WSB2: variants seen among roughly 807,000 people sequenced by gnomAD.
The protein encoded by WSB2 is WD repeat and SOCS box containing 2.
A neutral mutation model predicts 48.8 loss-of-function variants in WSB2; 12 were observed. The ratio of observed to expected loss-of-function variants is 0.25; its 90% CI spans 0.16 to 0.40. The LOEUF (loss-of-function observed/expected upper bound fraction) is 0.40. Among genes scored for constraint, WSB2 ranks in the 10% least tolerant of loss-of-function variants. WSB2 has a pLI of 1.00. For missense variants in WSB2, 317 were observed against 506.2 expected (o/e 0.63, Z 3.59); for synonymous variants, 191 against 203.1 (o/e 0.94, Z 0.51).
At chr12:118,043,583 G>A (rs950696141) in intron 2 of WSB2, among the ~76,000 whole-genome samples, 7 of 152,118 alleles carry the variant, frequency 4.6e-5, no homozygotes, top group African/African-American at 1.4e-4. Flanking sequence ...TAGCTAGGAC[G>A]ACAGGCATGT....
chr12:118,043,703 TC>T (rs1345325617), intron 2 of WSB2, among the ~76,000 whole-genome samples: 1 of 152,122 alleles, frequency 6.6e-6, no homozygotes, highest in African/African-American at 2.4e-5. Context: ...CACCTTGCCC[TC>T]CCAAAGTGCT....
intron 6 of WSB2, 75 bp downstream of exon 6, chr12:118,036,261 AAG>A (rs1265168847): frequency 3.1e-5 from 47 of 1,493,308 alleles, no homozygotes; most frequent in Non-Finnish European, 3.7e-5. Context: ...CAGATTCTAA[AAG>A]AGACATGTCT....
chr12:118,038,464 G>A (rs2031561408), intron 4 of WSB2, 76 bp from the exon 5 acceptor site: 2 of 1,408,600 alleles, frequency 1.4e-6, no homozygotes, highest in African/African-American at 1.4e-5. Flanking sequence ...GAACTGGGGT[G>A]GTAACAGCCC....
At chr12:118,061,185 C>T, upstream of WSB2, 1 of 983,596 alleles carries the variant, frequency 1.0e-6, no homozygotes, top group Non-Finnish European at 1.2e-6. Context: ...TGCTTCCCGT[C>T]ACATGGCGGT....
At chr12:118,058,704 T>C (rs1017708047) in intron 1 of WSB2, among the ~76,000 whole-genome samples, 5 of 151,534 alleles carry the variant, frequency 3.3e-5, no homozygotes, top group Non-Finnish European at 7.4e-5. Flanking sequence ...CTTCTTCTTT[T>C]TTTTTTTTTG....
chr12:118,034,346 G>C lies in WSB2; in HGVS notation c.1065C>G (p.Gly355=). The C allele has an allele frequency of 6.2e-7, 1 of 1,613,928 alleles. No individual in the cohort carries two copies. Among genetic ancestry groups the C allele is most frequent in the Non-Finnish European group, 8.5e-7 (1 of 1,179,870 alleles). Residue 355 remains glycine (G), a synonymous_variant, in exon 9 of 9, where the codon GGC becomes GGG. Coordinates refer to ENST00000315436, the MANE Select transcript of WSB2 (RefSeq NM_018639.5). ...GGVIATGTRD[G]HVQFWTAPRV... is the part of the protein sequence containing the mutation. ...TAGGAGCTGTCCAGAACTGGACGTG[G>C]CCATCTCTTGTCCTAAAATGAAACA...
upstream of WSB2, among the ~76,000 whole-genome samples, chr12:118,061,494 AAGGG>A (rs2137807220): frequency 6.7e-6 from 1 of 150,328 alleles, no homozygotes; most frequent in Non-Finnish European, 1.5e-5. Flanking sequence ...AAAAACGGGG[AAGGG>A]AGGGAGGTGA....
Position 118,042,951 on chromosome 12 carries a change from G to C in WSB2, c.449C>G (p.Ser150Cys), listed in dbSNP as rs751905316. The C allele has an allele frequency of 6.2e-7, 1 of 1,614,192 alleles. No individual in the cohort carries two copies. Among genetic ancestry groups the C allele is most frequent in the East Asian group, 2.2e-5 (1 of 44,882 alleles). The change falls in exon 4 of 9, where the codon TCC (serine) becomes TGC (cysteine). Residue 150 changes from serine to cysteine, a missense_variant. Physicochemically the swap from Ser to Cys is moderately radical, Grantham distance 112. This residue lies in a region of WSB2 where 189 missense variants were observed against 349.6 expected (regional missense o/e 0.54). Coordinates refer to ENST00000315436, the MANE Select transcript of WSB2 (RefSeq NM_018639.5). The stretch of plus-strand genomic sequence containing the variant: ...ATCTCTCACGACATCTTGGTGGCCG[G>C]AAAGATTCAAAAGCAGGAGCCCTGG... ...VQTGLLLLNL[S>C]GHQDVVRDLS... is the part of the protein sequence containing the mutation.
chr12:118,042,698 A>C (rs2031661972), intron 4 of WSB2, 143 bp downstream of exon 4: 2 of 1,388,114 alleles, frequency 1.4e-6, no homozygotes, highest in South Asian at 2.8e-5. Flanking sequence ...GATTAGGAAA[A>C]AACTGTCTAA....
At chr12:118,044,310 A>C (rs867863881) in intron 2 of WSB2, among the ~76,000 whole-genome samples, 30 of 152,288 alleles carry the variant, frequency 2.0e-4, no homozygotes, top group African/African-American at 7.2e-4. Flanking sequence ...AGTTTTTCCC[A>C]TGAGTAAGAA....
In WSB2 at chr12:118,052,435, G is replaced by A; in HGVS notation, c.57C>T (p.His19=). 2 of 1,614,168 alleles carry A rather than the reference G, an allele frequency of 1.2e-6. No individual in the cohort carries two copies. The highest frequency in any genetic ancestry group is 1.7e-6 in the Non-Finnish European group (2 of 1,180,048). The change falls in exon 2 of 9, where the codon CAC becomes CAT. Residue 19 remains histidine (H), a synonymous_variant. Transcript: ENST00000315436. ...LLAELKPGRP[H]QFDWKSSCET... ...CACAGCTGGACTTCCAATCAAACTG[G>A]TGGGGGCGCCCGGGCTTGAGTTCGG...
At chr12:118,042,494 A>G (rs148390736) in intron 4 of WSB2, 185 of 228,612 alleles carry the variant, frequency 8.1e-4, no homozygotes, top group African/African-American at 3.6e-3. Flanking sequence ...AATTCACCCC[A>G]AGAGGGTACA....
At chr12:118,047,803 G>T (rs759055348) in intron 2 of WSB2, among the ~76,000 whole-genome samples, 3 of 152,112 alleles carry the variant, frequency 2.0e-5, no homozygotes. Flanking sequence ...ATGAGACAAA[G>T]TAAAAATTAC....
chr12:118,045,653 C>T (rs2031731156), intron 2 of WSB2, among the ~76,000 whole-genome samples: 1 of 147,418 alleles, frequency 6.8e-6, no homozygotes, highest in Non-Finnish European at 1.5e-5. Context: ...GGAGGTTGCA[C>T]TGAGCCAAGA....
chr12:118,042,975 GGCATGGGA>G lies in WSB2; in HGVS notation c.428-11_428-4del. 6.2e-7 allele frequency: 1 copy of G among 1,614,178 alleles called. No individual in the cohort carries two copies. Among genetic ancestry groups the G allele is most frequent in the Non-Finnish European group, 8.5e-7 (1 of 1,180,040 alleles). ...GGAAAGATTCAAAAGCAGGAGCCCT[GGCATGGGA>G]GCAGGGGCACTGAGTCAGCCAGAGA... is the stretch of plus-strand genomic sequence containing the variant. On this transcript the variant is annotated splice_region_variant and splice_polypyrimidine_tract_variant and intron_variant, in intron 3 of 8. Transcript: ENST00000315436.
At chr12:118,048,836 G>A (rs61094951) in intron 2 of WSB2, among the ~76,000 whole-genome samples, 29,220 of 151,938 alleles carry the variant, frequency 0.19, 2,941 homozygotes, top group African/African-American at 0.24. Flanking sequence ...AATTGTTATT[G>A]TTTTCATTTA....
chr12:118,044,104 G>C (rs1293171177), intron 2 of WSB2, among the ~76,000 whole-genome samples: 1 of 151,850 alleles, frequency 6.6e-6, no homozygotes, highest in Non-Finnish European at 1.5e-5. Context: ...GGGGAACGAA[G>C]GCAAAACTCT....
chr12:118,061,656 G>A (rs2032070492), upstream of WSB2, among the ~76,000 whole-genome samples: 1 of 150,378 alleles, frequency 6.6e-6, no homozygotes, highest in Non-Finnish European at 1.5e-5. Flanking sequence ...GGAGAACGGA[G>A]AGAGGGAGAC....
chr12:118,060,167 G>A lies in WSB2; in HGVS notation c.13+869C>T, dbSNP rs898669347. On this transcript the variant is annotated intron_variant, in intron 1 of 8. Transcript: ENST00000315436. This position sits in a 1 kb window ranked among gnomAD's most constrained non-coding sequence, Gnocchi z 4.1. ...GGGGTTCCGAGGGAAGGTCGTTGGA[G>A]GGGAGAGGGCCAAGGCGTGCATGCG... 6.6e-6 allele frequency among the ~76,000 whole-genome samples: 1 copy of A among 152,194 alleles called. No individual in the cohort carries two copies. The highest frequency in any genetic ancestry group is 1.5e-5 in the Non-Finnish European group (1 of 68,044).
Sources: gnomAD v4.1 joint callset for allele counts (sites outside exome capture counted in the v4.1 genomes callset) on GRCh38, gnomAD v4.1.1 for gene constraint, gnomAD v4.1.1 regional missense constraint, Gnocchi (gnomAD v3.1) non-coding constraint, MANE v1.5 for transcripts, NCBI Gene and HGNC (gene_info 2026-07-23, HGNC 2026-07-21) for gene names.